C1orf167: variants seen among roughly 807,000 people sequenced by gnomAD.
C1orf167 encodes chromosome 1 open reading frame 167, also known as uncharacterized protein C1orf167.
C1orf167 carries 153 observed loss-of-function variants against 176.5 expected under a neutral mutation model. The observed-to-expected ratio is 0.87, with a 90% CI of 0.76 to 0.99. C1orf167 has a LOEUF of 0.99. C1orf167 is among the 50% of genes least tolerant of loss of function. The probability of loss-of-function intolerance (pLI) is 0.00; values close to 1 mark genes in which losing one functional copy is unlikely to be tolerated. For synonymous variants in C1orf167, 594 were observed against 752.7 expected (o/e 0.79, Z 3.45); for missense variants, 1,490 against 1,817.7 (o/e 0.82, Z 3.28).
At chr1:11,778,500 G>A in intron 10 of C1orf167, 160 bp from the exon 11 acceptor site, 1 of 517,816 alleles carries the variant, frequency 1.9e-6, no homozygotes, top group Non-Finnish European at 2.9e-6. Context: ...AGCCGCTGTG[G>A]GGGGCAGCAG....
Position 11,772,258 on chromosome 1 carries a change from A to G in C1orf167, c.1987A>G (p.Arg663Gly), listed in dbSNP as rs747649303. 7.7e-7 allele frequency: 1 copy of G among 1,300,524 alleles called. No individual in the cohort carries two copies. The highest frequency in any genetic ancestry group is 1.0e-6 in the Non-Finnish European group (1 of 987,552). 80.6% of individuals were successfully genotyped at this position (1,300,524 alleles called of 1,614,324 possible). The part of the protein sequence containing the change: ...SPQHQRAWLC[R>G]CFGAWQQFVQ... ...CCAGCACCAGAGAGCTTGGCTGTGC[A>G]GGTAGGATGCCCTTCCCTTTTTTTT... The change falls in exon 8 of 21, where the codon AGG becomes GGG. Residue 663 changes from arginine to glycine, a missense_variant and splice_region_variant. Transcript: ENST00000688073.
Position 11,768,117 on chromosome 1 carries a change from T to G in C1orf167, c.1384T>G (p.Leu462Val). Residue 462 changes from leucine (L) to valine (V), a missense_variant, in exon 5 of 21, where the codon TTG becomes GTG. By Grantham distance (32) the Leu-to-Val change is conservative. Coordinates refer to ENST00000688073, the MANE Select transcript of C1orf167 (RefSeq NM_001010881.2). The surrounding 1 kb of genome is among the most constrained non-coding windows in gnomAD (Gnocchi z 4.5). Reference sequence around the variant, plus strand: ...CAGATGTTTTCGATCCTGGAGGCACTTGGTGAAGAGGCAGCGGGAGCCAGC... The same window carrying G: ...CAGATGTTTTCGATCCTGGAGGCACGTGGTGAAGAGGCAGCGGGAGCCAGC... ...LSRCFRSWRHLVKRQREPAAA... is the reference protein window; with the variant it reads ...LSRCFRSWRHVVKRQREPAAA... 7.8e-7 allele frequency: 1 copy of G among 1,289,556 alleles called. No homozygotes were observed. The highest frequency in any genetic ancestry group is 1.2e-5 in the South Asian group (1 of 80,966). The allele number at this position is 1,289,556 out of a possible 1,614,324, so 79.9% of individuals were successfully genotyped here.
chr1:11,775,972 T>C (rs1483555622), intron 9 of C1orf167, among the ~76,000 whole-genome samples: 4 of 152,120 alleles, frequency 2.6e-5, no homozygotes, highest in Non-Finnish European at 5.9e-5. Flanking sequence ...AAAACTTAAC[T>C]GGGGGCCCGG....
At chr1:11,787,728 G>A in intron 17 of C1orf167, 145 bp from the exon 18 acceptor site, 1 of 1,120,612 alleles carries the variant, frequency 8.9e-7, no homozygotes, top group Middle Eastern at 4.1e-4. Context: ...GAGGCTGGAG[G>A]CCTGGGGAGA....
At chr1:11,778,454 C>T (rs540327839) in intron 10 of C1orf167, 25 of 315,944 alleles carry the variant, frequency 7.9e-5, no homozygotes, top group Non-Finnish European at 1.3e-4. Flanking sequence ...TGGTGGGCAT[C>T]GGTACCTCTT....
intron 2 of C1orf167, among the ~76,000 whole-genome samples, chr1:11,765,565 C>T (rs1210425023): frequency 9.9e-6 from 1 of 100,666 alleles, no homozygotes; most frequent in Non-Finnish European, 2.1e-5. Flanking sequence ...TCTCTTTACC[C>T]ACCTGCTACC....
intron 9 of C1orf167, 27 bp from the exon 10 acceptor site, chr1:11,776,437 C>A: frequency 7.7e-7 from 1 of 1,292,800 alleles, no homozygotes; most frequent in Non-Finnish European, 1.0e-6. Flanking sequence ...GGGGAGGCAG[C>A]TGACTGGACT....
chr1:11,766,106 T>C lies in C1orf167; in HGVS notation c.320T>C (p.Leu107Pro). The change falls in exon 3 of 21, where the codon CTG (leucine) becomes CCG (proline). Residue 107 changes from leucine to proline, a missense_variant. Physicochemically the swap from Leu to Pro is moderately conservative, Grantham distance 98 (BLOSUM62 -3). Transcript: ENST00000688073. This position sits in a 1 kb window ranked among gnomAD's most constrained non-coding sequence, Gnocchi z 4.5. ...TGGCAACAGAGCAACCTGCAGTCCCTGGCCAGGAGGCGCCAAGGGAAGGCC... is the reference window on the plus strand; with the variant it reads ...TGGCAACAGAGCAACCTGCAGTCCCCGGCCAGGAGGCGCCAAGGGAAGGCC... ...SFWQQSNLQS[L>P]ARRRQGKARE... is the part of the protein sequence containing the mutation. 7.8e-7 allele frequency: 1 copy of C among 1,289,876 alleles called. No individual in the cohort carries two copies. Among genetic ancestry groups the C allele is most frequent in the Middle Eastern group, 2.1e-4 (1 of 4,696 alleles). 79.9% of individuals were successfully genotyped at this position (1,289,876 alleles called of 1,614,324 possible).
intron 4 of C1orf167, among the ~76,000 whole-genome samples, chr1:11,767,846 G>C (rs1642873722): frequency 6.6e-6 from 1 of 152,044 alleles, no homozygotes; most frequent in Non-Finnish European, 1.5e-5. Flanking sequence ...ATATATAAAA[G>C]AAATAAAGAG....
chr1:11,763,272 T>A (rs1306991404), intron 1 of C1orf167, among the ~76,000 whole-genome samples: 1 of 152,136 alleles, frequency 6.6e-6, no homozygotes, highest in Non-Finnish European at 1.5e-5. Flanking sequence ...AAACCCTGTC[T>A]CTACCAAAAA....
At chr1:11,765,644 C>A (rs1642755238) in intron 2 of C1orf167, among the ~76,000 whole-genome samples, 1 of 152,172 alleles carries the variant, frequency 6.6e-6, no homozygotes, top group Non-Finnish European at 1.5e-5. Flanking sequence ...CTCTGCTTCC[C>A]TCTGTCCAGC....
intron 12 of C1orf167, 99 bp downstream of exon 12, chr1:11,779,179 G>T: frequency 9.0e-7 from 1 of 1,117,264 alleles, no homozygotes; most frequent in Non-Finnish European, 1.1e-6. Flanking sequence ...AGCCCCTTGG[G>T]GTCTGCACCT....
intron 12 of C1orf167, 40 bp from the exon 13 acceptor site, chr1:11,779,762 G>A: frequency 1.6e-6 from 2 of 1,266,294 alleles, no homozygotes; most frequent in East Asian, 5.8e-5. Flanking sequence ...GGGATTTGGG[G>A]GACAGTGGCC....
chr1:11,779,618 C>T (rs1201256278), intron 12 of C1orf167, 184 bp from the exon 13 acceptor site: 11 of 363,006 alleles, frequency 3.0e-5, no homozygotes, highest in African/African-American at 1.1e-4. Flanking sequence ...CACTCATCAT[C>T]GTGACCCTGG....
intron 15 of C1orf167, 95 bp downstream of exon 15, chr1:11,784,688 G>A (rs1643761413): frequency 8.6e-7 from 1 of 1,164,164 alleles, no homozygotes; most frequent in East Asian, 6.1e-5. Flanking sequence ...TCATGGCTGG[G>A]TGGCAGGGCA....
At chr1:11,787,602 G>T (rs970484051) in intron 17 of C1orf167, 109 bp downstream of exon 17, 3 of 837,132 alleles carry the variant, frequency 3.6e-6, no homozygotes, top group African/African-American at 3.6e-5. Context: ...GGTCTTATGT[G>T]TATTGACCAT....
Position 11,771,595 on chromosome 1 carries a change from G to A in C1orf167, c.1769G>A (p.Arg590Lys), listed in dbSNP as rs188084102. 7.8e-7 allele frequency: 1 copy of A among 1,289,728 alleles called. No homozygotes were observed. Among genetic ancestry groups the A allele is most frequent in the Non-Finnish European group, 1.0e-6 (1 of 988,894 alleles). 79.9% of individuals were successfully genotyped at this position (1,289,728 alleles called of 1,614,324 possible). A position where few individuals can be genotyped will look rare whatever the true frequency, so the allele number is the denominator to read the frequency against. The stretch of plus-strand genomic sequence containing the variant: ...CATCCTAGGCAGAGAACAGACAGCA[G>A]ACACGAGAGAGTCCAGATCCTGCAG... ...LSHPRQRTDSRHERVQILQAL... is the reference protein window; with the variant it reads ...LSHPRQRTDSKHERVQILQAL... Residue 590 changes from arginine (R) to lysine (K), a missense_variant, in exon 7 of 21, where the codon AGA (arginine) becomes AAA (lysine). By Grantham distance (26) the Arg-to-Lys change is conservative. Transcript: ENST00000688073.
intron 20 of C1orf167, 199 bp from the exon 21 acceptor site, chr1:11,789,071 T>G: frequency 2.1e-6 from 1 of 472,892 alleles, no homozygotes; most frequent in Non-Finnish European, 3.6e-6. Flanking sequence ...TGCTCTGCTC[T>G]GAGTACAGCT....
In C1orf167 at chr1:11,789,406, G is replaced by A. The variant is rs1159769329; in HGVS notation, c.4310G>A (p.Trp1437Ter). The A allele has an allele frequency of 7.7e-7, 1 of 1,303,242 alleles. No individual in the cohort carries two copies. The highest frequency in any genetic ancestry group is 2.3e-5 in the Admixed American group (1 of 43,558). The allele number at this position is 1,303,242 out of a possible 1,614,324, so 80.7% of individuals were successfully genotyped here. A position where few individuals can be genotyped will look rare whatever the true frequency, so the allele number is the denominator to read the frequency against. Reference protein sequence around the residue: ...GQEAARAPRGWGLGAEHGAQL... With the variant: ...GQEAARAPRG ...GAAGCCGCCAGAGCACCGCGGGGTT[G>A]GGGGCTTGGGGCAGAGCATGGGGCC... is the stretch of plus-strand genomic sequence containing the variant. Residue 1437 changes from tryptophan to a stop codon, truncating the protein, a stop_gained, in exon 21 of 21, where the codon TGG (tryptophan) becomes TAG (stop). Transcript: ENST00000688073. LOFTEE classifies it low-confidence loss of function (END_TRUNC).
Sources: gnomAD v4.1 joint callset for allele counts (sites outside exome capture counted in the v4.1 genomes callset) on GRCh38, gnomAD v4.1.1 for gene constraint, Gnocchi (gnomAD v3.1) non-coding constraint, MANE v1.5 for transcripts, NCBI Gene and HGNC (gene_info 2026-07-23, HGNC 2026-07-21) for gene names.